Variants in MMP16 observed in about 807,000 individuals in gnomAD.
The protein encoded by MMP16 is matrix metalloproteinase-16.
MMP16 carries 12 observed loss-of-function variants against 67.8 expected under a neutral mutation model. The ratio of observed to expected loss-of-function variants is 0.18; its 90% confidence interval spans 0.11 to 0.29. The LOEUF is 0.29. MMP16 is among the 10% of genes least tolerant of loss of function. The probability of loss-of-function intolerance (pLI) is 1.00; values close to 1 mark genes in which losing one functional copy is unlikely to be tolerated. For missense variants in MMP16, 475 were observed against 765.7 expected, an observed-to-expected ratio of 0.62 and a Z score of 4.48; for synonymous variants, 249 against 255.9, an observed-to-expected ratio of 0.97 and a Z score of 0.26.
chr8:88,050,296 T>C (rs1159012339), intron 8 of MMP16, among the ~76,000 whole-genome samples: 1 of 152,116 alleles, frequency 6.6e-6, no homozygotes, highest in Non-Finnish European at 1.5e-5. Flanking sequence ...GCACTCCGGC[T>C]TGGGCAACAG....
chr8:88,214,974 A>G (rs1003669061), intron 1 of MMP16, among the ~76,000 whole-genome samples: 18 of 152,202 alleles, frequency 1.2e-4, no homozygotes, highest in African/African-American at 4.3e-4. Flanking sequence ...CTGAAAAGGT[A>G]CCCTCAGATA....
At chr8:88,193,550 A>G (rs1161067198) in intron 2 of MMP16, among the ~76,000 whole-genome samples, 1 of 152,080 alleles carries the variant, frequency 6.6e-6, no homozygotes, top group Non-Finnish European at 1.5e-5. Context: ...GACTACAGGT[A>G]AAAACAATTT....
At chr8:88,190,088 T>C (rs967028020) in intron 2 of MMP16, among the ~76,000 whole-genome samples, 3 of 152,236 alleles carry the variant, frequency 2.0e-5, no homozygotes, top group Admixed American at 6.5e-5. Flanking sequence ...TGGATACTTA[T>C]ATAAAACAAA....
chr8:88,076,442 T>C (rs1808652834), intron 6 of MMP16, among the ~76,000 whole-genome samples: 1 of 152,184 alleles, frequency 6.6e-6, no homozygotes, highest in South Asian at 2.1e-4. Context: ...ATGTCAGCTA[T>C]ACTACAGTCC....
At chr8:88,252,904 T>C (rs1164373166) in intron 1 of MMP16, among the ~76,000 whole-genome samples, 1 of 152,028 alleles carries the variant, frequency 6.6e-6, no homozygotes, top group African/African-American at 2.4e-5. Flanking sequence ...TCAAGCCAAA[T>C]AGATTGGACA....
rs1243466104 is a variant in MMP16, at chr8:88,039,240, T to C, written c.*2221A>G. 7.0e-6 allele frequency: 1 copy of C among 143,428 alleles called. No homozygotes were observed. Among genetic ancestry groups the C allele is most frequent in the Non-Finnish European group, 1.6e-5 (1 of 62,040 alleles). The allele number at this position is 143,428 out of a possible 1,614,324, so 8.9% of individuals were successfully genotyped here. A position where few individuals can be genotyped will look rare whatever the true frequency, so the allele number is the denominator to read the frequency against. Reference sequence around the variant, plus strand: ...AAAGCCACACTGGCCATTCAAGTATTTGAGGTTTTTTTTTTCCTATAGTTT... The same window carrying C: ...AAAGCCACACTGGCCATTCAAGTATCTGAGGTTTTTTTTTTCCTATAGTTT... On this transcript the variant is annotated 3_prime_UTR_variant, in exon 10 of 10. Coordinates refer to ENST00000286614, the MANE Select transcript of MMP16 (RefSeq NM_005941.5). This position sits in a 1 kb window ranked among gnomAD's most constrained non-coding sequence, Gnocchi z 4.5.
intron 6 of MMP16, among the ~76,000 whole-genome samples, chr8:88,077,251 G>T (rs1237340928): frequency 6.6e-6 from 1 of 152,138 alleles, no homozygotes; most frequent in East Asian, 1.9e-4. Flanking sequence ...AATTTAGAAA[G>T]CATCTGTCAC....
At chr8:88,171,927 A>G (rs1394660175) in intron 3 of MMP16, among the ~76,000 whole-genome samples, 1 of 151,606 alleles carries the variant, frequency 6.6e-6, no homozygotes, top group African/African-American at 2.4e-5. Flanking sequence ...CCTGGGTTCC[A>G]GCAATTATCC....
chr8:88,271,435 G>C (rs1358363598), intron 1 of MMP16, among the ~76,000 whole-genome samples: 1 of 152,048 alleles, frequency 6.6e-6, no homozygotes, highest in African/African-American at 2.4e-5. Flanking sequence ...TTATATAAGA[G>C]CACAATGTGT....
intron 6 of MMP16, among the ~76,000 whole-genome samples, chr8:88,081,765 A>T (rs1808755127): frequency 6.6e-6 from 1 of 152,222 alleles, no homozygotes; most frequent in East Asian, 1.9e-4. Context: ...TTTTTTTTAT[A>T]AACAGCTCAA....
intron 1 of MMP16, among the ~76,000 whole-genome samples, chr8:88,284,351 T>C (rs1390398493): frequency 6.6e-6 from 1 of 152,154 alleles, no homozygotes; most frequent in Non-Finnish European, 1.5e-5. Context: ...ATCAAATATG[T>C]CCATACCTAT....
intron 1 of MMP16, among the ~76,000 whole-genome samples, chr8:88,323,714 C>T (rs929330273): frequency 8.6e-5 from 13 of 150,822 alleles, no homozygotes; most frequent in Non-Finnish European, 8.8e-5. Flanking sequence ...TCAGAGTTGA[C>T]GATATGAGAG....
At chr8:88,191,214 ACTGTAGAGTTACCTCG>A (rs1259701841) in intron 2 of MMP16, among the ~76,000 whole-genome samples, 8 of 152,156 alleles carry the variant, frequency 5.3e-5, no homozygotes, top group Admixed American at 1.3e-4. Flanking sequence ...CTGGTGCCAT[ACTGTAGAGTTACCTCG>A]CTGACTCAAT....
intron 1 of MMP16, among the ~76,000 whole-genome samples, chr8:88,280,875 A>T (rs1416711146): frequency 1.3e-5 from 2 of 150,496 alleles, no homozygotes; most frequent in South Asian, 4.2e-4. Context: ...ACAGAGTGAG[A>T]CCCCATCTCA....
In MMP16 at chr8:88,322,206, T is replaced by C. The variant is rs888055798; in HGVS notation, c.132+4869A>G. On this transcript the variant is annotated intron_variant, in intron 1 of 9. Transcript: ENST00000286614. The stretch of plus-strand genomic sequence containing the variant: ...ATTATAAAGGCCTATTTATTTTCTA[T>C]GGCATTAGAAAAGATGAACAGATTT... 2.0e-5 allele frequency among the ~76,000 whole-genome samples: 3 copies of C among 152,146 alleles called. No individual in the cohort carries two copies. In the East Asian group the frequency reaches 5.8e-4, roughly 29 times the overall value.
intron 2 of MMP16, among the ~76,000 whole-genome samples, chr8:88,190,106 A>C (rs1809147409): frequency 6.6e-6 from 1 of 152,252 alleles, no homozygotes; most frequent in Non-Finnish European, 1.5e-5. Context: ...AAAATCATGA[A>C]GTAGATAATT....
chr8:88,152,379 T>C (rs1422997221), intron 4 of MMP16, among the ~76,000 whole-genome samples: 1 of 123,794 alleles, frequency 8.1e-6, no homozygotes, highest in Non-Finnish European at 1.7e-5. Flanking sequence ...CCAGCATCAT[T>C]CTGATACCAA....
chr8:88,217,963 T>C (rs1487234095), intron 1 of MMP16, among the ~76,000 whole-genome samples: 1 of 152,038 alleles, frequency 6.6e-6, no homozygotes, highest in African/African-American at 2.4e-5. Context: ...TTCTTTAGTA[T>C]GCATGACAAA....
chr8:88,263,882 AAAAATCCTCCAC>A (rs1810428685), intron 1 of MMP16, among the ~76,000 whole-genome samples: 1 of 151,952 alleles, frequency 6.6e-6, no homozygotes, highest in Non-Finnish European at 1.5e-5. Context: ...ACTGGTGCTT[AAAAATCCTCCAC>A]AAAATGTGTA....
Sources: allele counts gnomAD v4.1 joint callset (sites outside exome capture counted in the v4.1 genomes callset), GRCh38; gene constraint gnomAD v4.1.1; non-coding constraint Gnocchi (gnomAD v3.1); transcripts MANE v1.5; gene names NCBI Gene and HGNC (gene_info 2026-07-23, HGNC 2026-07-21).